Variants in GPATCH2L observed in about 807,000 individuals in gnomAD.
GPATCH2L encodes the protein G patch domain-containing protein 2-like.
Under a neutral mutation model 57.4 loss-of-function variants are expected in GPATCH2L, and 31 were observed. The observed-to-expected ratio is 0.54, with a 90% CI of 0.41 to 0.73. The LOEUF is 0.73. Among genes scored for constraint, GPATCH2L ranks in the 30% least tolerant of loss-of-function variants. The probability of loss-of-function intolerance (pLI) is 0.00; values close to 1 mark genes in which losing one functional copy is unlikely to be tolerated. For synonymous variants in GPATCH2L, 199 were observed against 210.7 expected, an observed-to-expected ratio of 0.94 and a Z score of 0.48; for missense variants, 481 against 599.9, an observed-to-expected ratio of 0.80 and a Z score of 2.07.
At chr14:76,190,427 T>TA (rs2039924498) in intron 8 of GPATCH2L, among the ~76,000 whole-genome samples, 3 of 152,080 alleles carry the variant, frequency 2.0e-5, no homozygotes, top group Admixed American at 1.3e-4. Context: ...CCCTGGCAAA[T>TA]ACCACCACAG....
Position 76,154,059 on chromosome 14 carries a change from GT to G in GPATCH2L, c.-10-291del. 1 of 248,816 alleles carries G rather than the reference GT, an allele frequency of 4.0e-6. No individual in the cohort carries two copies. The highest frequency in any genetic ancestry group is 7.7e-6 in the Non-Finnish European group (1 of 130,226). 15.4% of individuals were successfully genotyped at this position (248,816 alleles called of 1,614,324 possible). ...GAGAAGGATCTAGTCCCCCGAATTT[GT>G]TTTGGGTCCTGTCCCAGTTGTCTTC... On this transcript the variant is annotated intron_variant, in intron 1 of 9. Coordinates refer to ENST00000261530, the MANE Select transcript of GPATCH2L (RefSeq NM_017926.4). The surrounding 1 kb of genome is among the most constrained non-coding windows in gnomAD (Gnocchi z 4.4).
intron 8 of GPATCH2L, among the ~76,000 whole-genome samples, chr14:76,184,087 G>A (rs575103823): frequency 2.0e-5 from 3 of 151,024 alleles, no homozygotes; most frequent in East Asian, 2.0e-4. Flanking sequence ...TATCATTAGT[G>A]GTATAATTTT....
rs1283711098 is a variant in GPATCH2L, at chr14:76,203,517, A to G, written c.*1666A>G. ...CTGAAGCCGGCCCAGCATGCCTCTT[A>G]GTTGCCTCTGGTTCTCATGCAGCAG... is the stretch of plus-strand genomic sequence containing the variant. On this transcript the variant is annotated 3_prime_UTR_variant, in exon 10 of 10. Transcript: ENST00000261530. 1 of 152,382 alleles carries G rather than the reference A, an allele frequency of 6.6e-6. No homozygotes were observed. Among genetic ancestry groups the G allele is most frequent in the Non-Finnish European group, 1.5e-5 (1 of 68,278 alleles). The allele number at this position is 152,382 out of a possible 1,614,324, so 9.4% of individuals were successfully genotyped here. A position where few individuals can be genotyped will look rare whatever the true frequency, so the allele number is the denominator to read the frequency against.
chr14:76,155,865 A>T (rs1309880600), intron 2 of GPATCH2L, among the ~76,000 whole-genome samples: 1 of 152,152 alleles, frequency 6.6e-6, no homozygotes, highest in Non-Finnish European at 1.5e-5. Flanking sequence ...TCTCTGCATT[A>T]TTCACACCCC....
chr14:76,200,388 C>T (rs1246666576), intron 9 of GPATCH2L, among the ~76,000 whole-genome samples: 1 of 151,996 alleles, frequency 6.6e-6, no homozygotes, highest in Non-Finnish European at 1.5e-5. Context: ...GTGCTTTTTT[C>T]ACTGCAGTTT....
chr14:76,215,611 T>C (rs1433544869), downstream of GPATCH2L, among the ~76,000 whole-genome samples: 2 of 151,684 alleles, frequency 1.3e-5, no homozygotes, highest in African/African-American at 4.8e-5. Context: ...TTCATGTCCT[T>C]TGTAGGGACA....
rs189649347 is a variant in GPATCH2L at position 76,229,125 on chromosome 14, G to T, written c.66-683G>T. On this transcript the variant is annotated intron_variant and NMD_transcript_variant, in intron 1 of 3. Coordinates refer to the GPATCH2L transcript ENST00000556372. ...ACTGCAAGCTCTCCATGGGCATCAA[G>T]AAAAACAAGACTTCAATTTCTTTGA... is the stretch of plus-strand genomic sequence containing the variant. Among the ~76,000 whole-genome samples, 412 of 152,318 alleles carry T rather than the reference G, an allele frequency of 2.7e-3. 2 individuals carry two copies. The highest frequency in any genetic ancestry group is 4.1e-3 in the Non-Finnish European group (281 of 68,032).
chr14:76,192,939 CCA>C (rs1237994515), intron 8 of GPATCH2L, among the ~76,000 whole-genome samples: 1 of 152,020 alleles, frequency 6.6e-6, no homozygotes, highest in Non-Finnish European at 1.5e-5. Flanking sequence ...AGACCATTTA[CCA>C]CAGAGAGAAG....
At position 76,213,712 on chromosome 14, in the gene GPATCH2L, G is replaced by T. The variant is rs930601439; in HGVS notation, c.*11861G>T. 5 of 152,118 alleles carry T rather than the reference G, an allele frequency of 3.3e-5. No homozygotes were observed. Among genetic ancestry groups the T allele is most frequent in the Non-Finnish European group, 5.9e-5 (4 of 68,024 alleles). 9.4% of individuals were successfully genotyped at this position (152,118 alleles called of 1,614,324 possible). On this transcript the variant is annotated 3_prime_UTR_variant, in exon 10 of 10. Transcript: ENST00000261530. ...ACCTTTTTTAAAAAAAATAATTTTAGACTTAACAGAAAATCTGCAAAAATA... is the reference window on the plus strand; with the variant it reads ...ACCTTTTTTAAAAAAAATAATTTTATACTTAACAGAAAATCTGCAAAAATA...
At chr14:76,177,901 A>G (rs779811480) in intron 6 of GPATCH2L, 87 bp from the exon 7 acceptor site, 9 of 1,592,202 alleles carry the variant, frequency 5.7e-6, no homozygotes, top group Non-Finnish European at 7.8e-6. Context: ...GTTTCTGGTT[A>G]CCATCAGCTG....
At chr14:76,155,550 A>C (rs1490660685) in intron 2 of GPATCH2L, among the ~76,000 whole-genome samples, 2 of 152,180 alleles carry the variant, frequency 1.3e-5, no homozygotes, top group African/African-American at 4.8e-5. Context: ...TATGGCTGAC[A>C]TTCAAATTGT....
intron 8 of GPATCH2L, among the ~76,000 whole-genome samples, chr14:76,195,613 T>C (rs1465402168): frequency 2.0e-5 from 3 of 152,226 alleles, no homozygotes; most frequent in Non-Finnish European, 4.4e-5. Context: ...AAAATAAGCA[T>C]GTAATGCAAC....
At chr14:76,163,919 A>T (rs1054399401) in intron 2 of GPATCH2L, among the ~76,000 whole-genome samples, 18 of 151,968 alleles carry the variant, frequency 1.2e-4, no homozygotes, top group Admixed American at 8.5e-4. Context: ...TGAGCAAGAT[A>T]TTTTTTTTCC....
chr14:76,156,356 ACCTT>A (rs1159428406), intron 2 of GPATCH2L, among the ~76,000 whole-genome samples: 9 of 152,202 alleles, frequency 5.9e-5, no homozygotes, highest in African/African-American at 2.2e-4. Flanking sequence ...GTATACCTGT[ACCTT>A]TCTTGAGTGG....
chr14:76,190,909 T>A (rs775235553), intron 8 of GPATCH2L, among the ~76,000 whole-genome samples: 3 of 152,288 alleles, frequency 2.0e-5, no homozygotes, highest in Admixed American at 2.0e-4. Flanking sequence ...CAGTTGAGAA[T>A]GAAGTTTTAA....
rs1286605911 is a variant in GPATCH2L at position 76,207,437 on chromosome 14, A to G, written c.*5586A>G. 6.6e-6 allele frequency: 1 copy of G among 152,224 alleles called. No individual in the cohort carries two copies. The allele number at this position is 152,224 out of a possible 1,614,324, so 9.4% of individuals were successfully genotyped here. ...GATTTGTGTAAGGTATGAGTTTACC[A>G]TATTTGTTCATTAGATCTTAGTTTC... is the stretch of plus-strand genomic sequence containing the variant. On this transcript the variant is annotated 3_prime_UTR_variant, in exon 10 of 10. Transcript: ENST00000261530.
intron 2 of GPATCH2L, among the ~76,000 whole-genome samples, chr14:76,232,360 C>T (rs575852075): frequency 6.6e-5 from 10 of 152,224 alleles, no homozygotes; most frequent in South Asian, 2.1e-4. Context: ...AGCGCAATGG[C>T]GCCATCTCGG....
chr14:76,175,247 T>C (rs571891025), intron 5 of GPATCH2L: 15 of 152,148 alleles, frequency 9.9e-5, no homozygotes, highest in East Asian at 9.7e-4. Flanking sequence ...TGGAAGGGAG[T>C]GAGGGCCTGT....
intron 2 of GPATCH2L, among the ~76,000 whole-genome samples, chr14:76,156,895 C>G (rs544845353): frequency 1.1e-4 from 17 of 152,330 alleles, no homozygotes; most frequent in African/African-American, 3.4e-4. Flanking sequence ...CCAGACACAT[C>G]TATTGCACAT....
Sources: gnomAD v4.1 joint callset for allele counts (sites outside exome capture counted in the v4.1 genomes callset) on GRCh38, gnomAD v4.1.1 for gene constraint, Gnocchi (gnomAD v3.1) non-coding constraint, MANE v1.5 for transcripts, NCBI Gene and HGNC (gene_info 2026-07-23, HGNC 2026-07-21) for gene names.